Variants in PKD1L1 observed in about 807,000 individuals in gnomAD.
PKD1L1 encodes polycystin 1 like 1, transient receptor potential channel interacting.
A neutral mutation model predicts 323.4 loss-of-function variants in PKD1L1; 236 were observed. That is an observed-to-expected ratio of 0.73 (90% confidence interval 0.66 to 0.81). PKD1L1 has a LOEUF of 0.81. Among genes scored for constraint, PKD1L1 ranks in the 40% least tolerant of loss-of-function variants. The pLI, the probability that PKD1L1 is intolerant of heterozygous loss-of-function variation, is 0.00. For missense variants in PKD1L1, 3,320 were observed against 3,508.0 expected (o/e 0.95, Z 1.35); for synonymous variants, 1,344 against 1,335.0 (o/e 1.01, Z -0.15).
intron 14 of PKD1L1, among the ~76,000 whole-genome samples, chr7:47,896,282 T>C (rs369059503): frequency 2.8e-5 from 4 of 143,630 alleles, no homozygotes; most frequent in Non-Finnish European, 5.9e-5. Context: ...TGAGCCGAGA[T>C]TGCAGCCACT....
Position 47,917,708 on chromosome 7 carries a change from T to A in PKD1L1, c.1061-2109A>T, listed in dbSNP as rs1381329671. Among the ~76,000 whole-genome samples, 9 of 152,290 alleles carry A rather than the reference T, an allele frequency of 5.9e-5. No individual in the cohort carries two copies. In the South Asian group the frequency reaches 1.9e-3, roughly 32 times the overall value. Reference sequence around the variant, plus strand: ...AAACAATTATCAGACAAGAATTTTGTATCTAGCAAAACTAAGCTTCATACA... The same window carrying A: ...AAACAATTATCAGACAAGAATTTTGAATCTAGCAAAACTAAGCTTCATACA... On this transcript the variant is annotated intron_variant, in intron 7 of 56. Transcript: ENST00000289672.
chr7:47,853,965 G>T lies in PKD1L1; in HGVS notation c.4860-738C>A, dbSNP rs190137689. ...GTAACCTGTTTGCAGATAAAAGATA[G>T]CAAGCACAAAACTAGACTAAGTAGT... On this transcript the variant is annotated intron_variant, in intron 30 of 56. Transcript: ENST00000289672. Among the ~76,000 whole-genome samples, 12 of 152,266 alleles carry T rather than the reference G, an allele frequency of 7.9e-5. 1 individual carries two copies. Among genetic ancestry groups the T allele is most frequent in the Admixed American group, 2.0e-4 (3 of 15,282 alleles).
intron 4 of PKD1L1, among the ~76,000 whole-genome samples, chr7:47,935,903 T>C (rs187183445): frequency 3.2e-4 from 48 of 152,338 alleles, no homozygotes; most frequent in Non-Finnish European, 5.9e-4. Context: ...CTTTGAACAA[T>C]AACATGAAAG....
intron 7 of PKD1L1, among the ~76,000 whole-genome samples, chr7:47,928,493 C>T (rs1037278388): frequency 6.6e-6 from 1 of 152,126 alleles, no homozygotes; most frequent in African/African-American, 2.4e-5. Flanking sequence ...TCCCTTGAAC[C>T]TTGGAGGTGG....
intron 56 of PKD1L1, among the ~76,000 whole-genome samples, chr7:47,780,360 T>C (rs1022255563): frequency 6.6e-6 from 1 of 152,142 alleles, no homozygotes; most frequent in South Asian, 2.1e-4. Flanking sequence ...GGCCTGGCGC[T>C]GTGGCTCATG....
At chr7:47,960,083 C>T in the PKD1L1 span, among the ~76,000 whole-genome samples, 68,825 of 150,658 alleles carry the variant, frequency 0.46, 16,450 homozygotes, top group East Asian at 0.53. Flanking sequence ...CAACCCTGTG[C>T]TCTCTGAAAC....
chr7:47,937,008 C>T (rs766189250), intron 3 of PKD1L1, 50 bp from the exon 4 acceptor site: 1 of 1,417,570 alleles, frequency 7.1e-7, no homozygotes, highest in South Asian at 1.2e-5. Flanking sequence ...TATGAAAACC[C>T]AGTACATTTG....
chr7:47,777,010 G>A (rs972117175), intron 56 of PKD1L1, among the ~76,000 whole-genome samples: 11 of 152,124 alleles, frequency 7.2e-5, no homozygotes, highest in Admixed American at 7.2e-4. Flanking sequence ...TCCCGCCTCA[G>A]CTTCCTGAGT....
At position 47,873,676 on chromosome 7, in the gene PKD1L1, G is replaced by GAAAAAAAA. The variant is rs1562967528; in HGVS notation, c.3896+222_3896+223insTTTTTTTT. ...AAAAAAAAAAAAAAAAAAAAAGAAG[G>GAAAAAAAA]AGAAGAAAGTAGCTTTATAGGCTCT... On this transcript the variant is annotated intron_variant, in intron 24 of 56. Transcript: ENST00000289672. 5.4e-4 allele frequency among the ~76,000 whole-genome samples: 71 copies of GAAAAAAAA among 131,894 alleles called. 1 individual carries two copies. Among genetic ancestry groups the GAAAAAAAA allele is most frequent in the Middle Eastern group, 4.1e-3 (1 of 246 alleles). 86.5% of individuals were successfully genotyped at this position (131,894 alleles called of 152,430 possible). A position where few individuals can be genotyped will look rare whatever the true frequency, so the allele number is the denominator to read the frequency against.
rs140929505 is a variant in PKD1L1 at position 47,874,910 on chromosome 7, G to C, written c.3785-900C>G. ...TTCATAGGAATTGGCTGTACTGATA[G>C]TGACAATTACAAACAAATTGTGGTT... is the stretch of plus-strand genomic sequence containing the variant. On this transcript the variant is annotated intron_variant, in intron 23 of 56. Transcript: ENST00000289672. Among the ~76,000 whole-genome samples, 729 of 152,312 alleles carry C rather than the reference G, an allele frequency of 4.8e-3. 6 individuals are homozygous for C. The highest frequency in any genetic ancestry group is 0.017 in the African/African-American group (702 of 41,560).
Position 47,858,871 on chromosome 7 carries a change from A to C in PKD1L1, c.4164T>G (p.Ser1388Arg), listed in dbSNP as rs1785963182. The C allele has an allele frequency of 6.2e-7, 1 of 1,613,872 alleles. No individual in the cohort carries two copies. The highest frequency in any genetic ancestry group is 2.2e-5 in the East Asian group (1 of 44,876). ...VSFSNKLGFMSAVLILKYTRA... is the reference protein window; with the variant it reads ...VSFSNKLGFMRAVLILKYTRA... ...GGGTGTACTTGAGGATGAGAACCGC[A>C]CTCATAAAGCCTAGCTGCATGAACA... Residue 1388 changes from serine to arginine, a missense_variant, in exon 27 of 57, where the codon AGT (serine) becomes AGG (arginine). Ser to Arg is a moderately radical substitution (Grantham distance 110, BLOSUM62 -1). Transcript: ENST00000289672.
At chr7:47,934,620 C>A (rs993992379) in intron 4 of PKD1L1, among the ~76,000 whole-genome samples, 3 of 152,074 alleles carry the variant, frequency 2.0e-5, no homozygotes, top group Non-Finnish European at 4.4e-5. Context: ...TTAGCTGAGT[C>A]CTGGGGAAAA....
chr7:47,805,969 T>A (rs1056969026), intron 52 of PKD1L1, among the ~76,000 whole-genome samples: 2 of 152,178 alleles, frequency 1.3e-5, no homozygotes, highest in Non-Finnish European at 2.9e-5. Flanking sequence ...AATTGAGGAA[T>A]TGGAAATTGG....
chr7:47,902,699 C>T (rs1468396008), intron 12 of PKD1L1, among the ~76,000 whole-genome samples, 188 bp from the exon 13 acceptor site: 2 of 152,206 alleles, frequency 1.3e-5, no homozygotes, highest in Admixed American at 1.3e-4. Flanking sequence ...ATTTAATCAA[C>T]AGACTGGCTC....
At chr7:47,775,242 G>T in intron 56 of PKD1L1, 76 bp from the exon 57 acceptor site, 1 of 1,568,216 alleles carries the variant, frequency 6.4e-7, no homozygotes, top group East Asian at 2.2e-5. Flanking sequence ...AGGCAGAAAG[G>T]CAGCAAGTGC....
At chr7:47,933,747 T>A (rs1036693564) in intron 4 of PKD1L1, among the ~76,000 whole-genome samples, 5 of 152,140 alleles carry the variant, frequency 3.3e-5, no homozygotes, top group Admixed American at 1.3e-4. Flanking sequence ...AATAAATAAA[T>A]AAATAAAGGC....
At chr7:47,885,566 T>A in intron 18 of PKD1L1, 120 bp downstream of exon 18, 1 of 1,361,960 alleles carries the variant, frequency 7.3e-7, no homozygotes, top group Non-Finnish European at 9.9e-7. Flanking sequence ...AACCTGGCGC[T>A]TTCTGATTTA....
At chr7:47,813,756 AG>A (rs1187123969) in intron 48 of PKD1L1, among the ~76,000 whole-genome samples, 174 bp downstream of exon 48, 1 of 152,248 alleles carries the variant, frequency 6.6e-6, no homozygotes, top group Non-Finnish European at 1.5e-5. Flanking sequence ...GTGTTCATAA[AG>A]GGGAAGGAAG....
intron 17 of PKD1L1, among the ~76,000 whole-genome samples, chr7:47,886,770 T>C (rs954843974): frequency 6.6e-6 from 1 of 152,150 alleles, no homozygotes; most frequent in Non-Finnish European, 1.5e-5. Context: ...TGCAGAACCA[T>C]AAGCCAAAAT....
Sources: allele counts gnomAD v4.1 joint callset (sites outside exome capture counted in the v4.1 genomes callset), GRCh38; gene constraint gnomAD v4.1.1; transcripts MANE v1.5; gene names NCBI Gene and HGNC (gene_info 2026-07-23, HGNC 2026-07-21).